The following CORIN variants were observed in gnomAD, a reference collection of about 807,000 sequenced individuals.
CORIN encodes the protein corin, serine peptidase.
CORIN carries 117 observed loss-of-function variants against 125.3 expected under a neutral mutation model. The ratio of observed to expected loss-of-function variants is 0.93; its 90% confidence interval spans 0.80 to 1.09. The LOEUF (loss-of-function observed/expected upper bound fraction) is 1.09, where lower values mean the gene tolerates loss of function less well. CORIN is among the 50% of genes least tolerant of loss of function. The probability of loss-of-function intolerance (pLI) is 0.00; values close to 1 mark genes in which losing one functional copy is unlikely to be tolerated. For missense variants in CORIN, 1,253 were observed against 1,306.7 expected, an observed-to-expected ratio of 0.96 and a Z score of 0.63; for synonymous variants, 450 against 466.4, an observed-to-expected ratio of 0.96 and a Z score of 0.45.
intron 7 of CORIN, chr4:47,680,498 G>A (rs1725224411): frequency 5.2e-6 from 2 of 386,600 alleles, no homozygotes; most frequent in East Asian, 5.1e-5. Context: ...GCTGCCCCAG[G>A]ACCCGTAGTT....
chr4:47,676,928 C>T (rs1176719962), intron 9 of CORIN, among the ~76,000 whole-genome samples: 2 of 152,140 alleles, frequency 1.3e-5, no homozygotes, highest in African/African-American at 2.4e-5. Flanking sequence ...ACAAAGCACT[C>T]TTTATATATT....
intron 2 of CORIN, among the ~76,000 whole-genome samples, chr4:47,803,965 G>C (rs576029120): frequency 3.9e-5 from 6 of 152,308 alleles, no homozygotes; most frequent in Non-Finnish European, 7.3e-5. Context: ...TCTGACAAGA[G>C]ATTCATAATC....
chr4:47,665,130 A>T lies in CORIN; in HGVS notation c.1491T>A (p.Leu497=). ...ISWESSLFPA[L]VQTNCYKYLM... is the part of the protein sequence containing the mutation. Reference sequence around the variant, plus strand: ...GGTATTTATAACAGTTGGTTTGAACAAGTGCAGGGAAAAGAGAAGACTCCC... The same window carrying T: ...GGTATTTATAACAGTTGGTTTGAACTAGTGCAGGGAAAAGAGAAGACTCCC... The change falls in exon 11 of 22, where the codon CTT becomes CTA. Residue 497 remains leucine (L), a synonymous_variant. Coordinates refer to ENST00000273857, the MANE Select transcript of CORIN (RefSeq NM_006587.4). 6.2e-7 allele frequency: 1 copy of T among 1,613,918 alleles called. No individual in the cohort carries two copies. Among genetic ancestry groups the T allele is most frequent in the Non-Finnish European group, 8.5e-7 (1 of 1,179,830 alleles).
At chr4:47,779,436 C>CA (rs1730440704) in intron 3 of CORIN, among the ~76,000 whole-genome samples, 1 of 140,168 alleles carries the variant, frequency 7.1e-6, no homozygotes. Context: ...TTTTTTTTTT[C>CA]TTTTTTTTTT....
At chr4:47,635,465 C>T (rs1443178522) in intron 16 of CORIN, among the ~76,000 whole-genome samples, 2 of 152,118 alleles carry the variant, frequency 1.3e-5, no homozygotes, top group African/African-American at 2.4e-5. Context: ...AATGATGAAG[C>T]CCTAGAGTTC....
At chr4:47,605,401 C>T (rs1344130649) in intron 19 of CORIN, among the ~76,000 whole-genome samples, 1 of 152,150 alleles carries the variant, frequency 6.6e-6, no homozygotes, top group Non-Finnish European at 1.5e-5. Context: ...GTTTTTGACT[C>T]TAACCACAAA....
At chr4:47,723,977 C>G (rs996095818) in intron 5 of CORIN, among the ~76,000 whole-genome samples, 18 of 121,586 alleles carry the variant, frequency 1.5e-4, no homozygotes, top group Non-Finnish European at 2.4e-4. Flanking sequence ...GCCTGGACGA[C>G]AGAGTGAGAC....
intron 3 of CORIN, among the ~76,000 whole-genome samples, chr4:47,786,156 C>T (rs1258271524): frequency 2.0e-5 from 3 of 152,148 alleles, no homozygotes; most frequent in African/African-American, 7.2e-5. Flanking sequence ...TTTCAGACCT[C>T]AGAAATATTG....
At chr4:47,665,333 A>G in intron 10 of CORIN, 70 bp from the exon 11 acceptor site, 3 of 1,131,522 alleles carry the variant, frequency 2.7e-6, no homozygotes, top group Non-Finnish European at 3.9e-6. Context: ...AAGTTTTACA[A>G]ACTTGAAGTC....
intron 13 of CORIN, among the ~76,000 whole-genome samples, chr4:47,648,106 T>C (rs1411516951): frequency 1.3e-5 from 2 of 152,230 alleles, no homozygotes; most frequent in African/African-American, 2.4e-5. Flanking sequence ...AGTATTATTT[T>C]AAGAAGAAAC....
rs531033054 is a variant in CORIN, at chr4:47,730,460, G to A, written c.799+13942C>T. On this transcript the variant is annotated intron_variant, in intron 5 of 21. Coordinates refer to ENST00000273857, the MANE Select transcript of CORIN (RefSeq NM_006587.4). ...TGCACTCCAGCCTGGGCGACAGAGC[G>A]AGACTCCATCTCAAAAAAAAAAAAA... is the stretch of plus-strand genomic sequence containing the variant. 2.9e-4 allele frequency among the ~76,000 whole-genome samples: 39 copies of A among 133,926 alleles called. 1 individual carries two copies. The South Asian group carries it at 8.1e-3, about 28-fold the overall frequency. 87.9% of individuals were successfully genotyped at this position (133,926 alleles called of 152,430 possible). A position where few individuals can be genotyped will look rare whatever the true frequency, so the allele number is the denominator to read the frequency against.
intron 4 of CORIN, among the ~76,000 whole-genome samples, chr4:47,760,005 A>G (rs868174236): frequency 3.9e-5 from 6 of 152,228 alleles, no homozygotes; most frequent in Non-Finnish European, 8.8e-5. Flanking sequence ...ACCTCCTGTC[A>G]TGAATCACAA....
chr4:47,661,921 A>T, intron 11 of CORIN, 65 bp from the exon 12 acceptor site: 2 of 1,457,104 alleles, frequency 1.4e-6, no homozygotes, highest in East Asian at 4.8e-5. Flanking sequence ...AGATGTCATA[A>T]ATTTATGTCA....
chr4:47,659,191 A>T lies in CORIN; in HGVS notation c.1735+2520T>A, dbSNP rs566129358. ...TATCACTATCGGAATTTTGGGTCACAATCACTTAACCAATTTTTAAGAAGT... is the reference window on the plus strand; with the variant it reads ...TATCACTATCGGAATTTTGGGTCACTATCACTTAACCAATTTTTAAGAAGT... On this transcript the variant is annotated intron_variant, in intron 12 of 21. Transcript: ENST00000273857. 2.7e-4 allele frequency among the ~76,000 whole-genome samples: 41 copies of T among 152,290 alleles called. No individual in the cohort carries two copies. In the South Asian group the frequency reaches 3.1e-3, roughly 12 times the overall value.
At chr4:47,795,092 A>G (rs1328213292) in intron 2 of CORIN, among the ~76,000 whole-genome samples, 1 of 152,130 alleles carries the variant, frequency 6.6e-6, no homozygotes, top group Non-Finnish European at 1.5e-5. Context: ...TGAAGATCCA[A>G]TGACCATATA....
intron 3 of CORIN, among the ~76,000 whole-genome samples, chr4:47,775,335 A>G (rs947010203): frequency 1.3e-5 from 2 of 151,866 alleles, no homozygotes; most frequent in African/African-American, 4.8e-5. Flanking sequence ...CTTCATTTAC[A>G]TTAGGTATAT....
chr4:47,834,359 G>A (rs141029726), intron 1 of CORIN, among the ~76,000 whole-genome samples: 6 of 152,198 alleles, frequency 3.9e-5, no homozygotes, highest in East Asian at 3.9e-4. Context: ...GACACAGAAG[G>A]ACAAATACTA....
intron 5 of CORIN, among the ~76,000 whole-genome samples, chr4:47,717,095 T>A (rs1185849735): frequency 6.6e-6 from 1 of 152,210 alleles, no homozygotes; most frequent in South Asian, 2.1e-4. Flanking sequence ...AGAGAAATTA[T>A]ATTTAATTTC....
At chr4:47,738,635 A>G (rs1438923122) in intron 5 of CORIN, among the ~76,000 whole-genome samples, 1 of 152,212 alleles carries the variant, frequency 6.6e-6, no homozygotes, top group Non-Finnish European at 1.5e-5. Flanking sequence ...TAAATGTCCA[A>G]CTTTCAACAA....
Sources: allele counts gnomAD v4.1 joint callset (sites outside exome capture counted in the v4.1 genomes callset), GRCh38; gene constraint gnomAD v4.1.1; transcripts MANE v1.5; gene names NCBI Gene and HGNC (gene_info 2026-07-23, HGNC 2026-07-21).